The following MIA2 variants were observed in gnomAD, a reference collection of about 807,000 sequenced individuals.
MIA2 encodes melanoma inhibitory activity protein 2.
MIA2 carries 127 observed loss-of-function variants against 167.8 expected under a neutral mutation model. The observed-to-expected ratio is 0.76, with a 90% CI of 0.66 to 0.88. The LOEUF (loss-of-function observed/expected upper bound fraction) is 0.88. Among genes scored for constraint, MIA2 ranks in the 40% least tolerant of loss-of-function variants. The pLI is 0.00. For synonymous variants in MIA2, 552 were observed against 541.9 expected, an observed-to-expected ratio of 1.02 and a Z score of -0.26; for missense variants, 1,690 against 1,624.7, an observed-to-expected ratio of 1.04 and a Z score of -0.69.
chr14:39,284,085 T>C (rs2059306629), intron 9 of MIA2, among the ~76,000 whole-genome samples: 2 of 152,198 alleles, frequency 1.3e-5, no homozygotes, highest in South Asian at 4.1e-4. Context: ...CTTTTTGCTT[T>C]TGTAGCCTAA....
At chr14:39,257,421 C>G (rs1314125957) in intron 6 of MIA2, among the ~76,000 whole-genome samples, 1 of 150,528 alleles carries the variant, frequency 6.6e-6, no homozygotes, top group Non-Finnish European at 1.5e-5. Flanking sequence ...TTTTTTTTTG[C>G]TTTCCATTTG....
At chr14:39,273,923 G>C (rs2057545133) in intron 6 of MIA2, among the ~76,000 whole-genome samples, 1 of 152,170 alleles carries the variant, frequency 6.6e-6, no homozygotes. Context: ...TTTTATCTTG[G>C]AGAGGTGTAC....
At chr14:39,243,097 T>C (rs1352368159) in intron 3 of MIA2, among the ~76,000 whole-genome samples, 1 of 141,066 alleles carries the variant, frequency 7.1e-6, no homozygotes, top group African/African-American at 2.8e-5. Flanking sequence ...CACTCCAGCC[T>C]GGGTGACAGA....
intron 25 of MIA2, among the ~76,000 whole-genome samples, chr14:39,344,560 G>C (rs2072778374): frequency 6.6e-6 from 1 of 152,114 alleles, no homozygotes; most frequent in Non-Finnish European, 1.5e-5. Context: ...ATTGACTCTC[G>C]TTGATGCCAG....
At chr14:39,312,641 A>C (rs183938157) in intron 18 of MIA2, among the ~76,000 whole-genome samples, 48 of 152,324 alleles carry the variant, frequency 3.2e-4, no homozygotes, top group African/African-American at 1.1e-3. Context: ...GTCACTGCTT[A>C]TGAGCTCTAG....
At chr14:39,263,899 G>C (rs1403223623) in intron 6 of MIA2, among the ~76,000 whole-genome samples, 2 of 152,072 alleles carry the variant, frequency 1.3e-5, no homozygotes, top group Non-Finnish European at 2.9e-5. Context: ...CTCCCAAAGT[G>C]CTGGGATTAT....
chr14:39,296,481 T>C (rs1157548300), intron 13 of MIA2, among the ~76,000 whole-genome samples: 1 of 151,818 alleles, frequency 6.6e-6, no homozygotes, highest in Non-Finnish European at 1.5e-5. Context: ...TTTCCCCTTC[T>C]CTGAAATTAC....
chr14:39,365,206 C>T (rs1052326404), intron 23 of MIA2, among the ~76,000 whole-genome samples: 2 of 152,130 alleles, frequency 1.3e-5, no homozygotes, highest in African/African-American at 4.8e-5. Context: ...GCTGGGATTA[C>T]AGGCATGCGC....
chr14:39,305,152 T>C (rs577707021), intron 17 of MIA2, among the ~76,000 whole-genome samples: 31 of 152,348 alleles, frequency 2.0e-4, no homozygotes, highest in Admixed American at 1.6e-3. Context: ...TTTTAAAAGA[T>C]TGAACCACCA....
chr14:39,320,124 A>G (rs561326375), intron 23 of MIA2, among the ~76,000 whole-genome samples: 2 of 140,016 alleles, frequency 1.4e-5, no homozygotes, highest in Admixed American at 1.4e-4. Flanking sequence ...TCTGAATCCA[A>G]CACAAAATTT....
intron 25 of MIA2, among the ~76,000 whole-genome samples, chr14:39,333,110 G>T (rs1010660348): frequency 7.2e-5 from 11 of 151,778 alleles, no homozygotes; most frequent in African/African-American, 2.7e-4. Context: ...TATAATAACT[G>T]CTTTAAAGTC....
chr14:39,275,755 T>A (rs558223031), intron 6 of MIA2, among the ~76,000 whole-genome samples: 33 of 152,332 alleles, frequency 2.2e-4, no homozygotes, highest in Non-Finnish European at 4.1e-4. Flanking sequence ...AATTTTTTTT[T>A]ATCATTAATT....
At chr14:39,285,419 C>G (rs7141162) in intron 9 of MIA2, among the ~76,000 whole-genome samples, 101,017 of 114,698 alleles carry the variant, frequency 0.88, 45,050 homozygotes, top group East Asian at 0.95. Flanking sequence ...GCTGGCCGGG[C>G]GGGGGCTGAC....
chr14:39,266,096 T>C (rs1330247955), intron 6 of MIA2: 2 of 985,466 alleles, frequency 2.0e-6, no homozygotes, highest in African/African-American at 3.5e-5. Flanking sequence ...TACAAGAGGT[T>C]ACATCAGGAA....
chr14:39,372,302 T>TA (rs916531077), intron 23 of MIA2, among the ~76,000 whole-genome samples: 28 of 148,638 alleles, frequency 1.9e-4, no homozygotes, highest in African/African-American at 3.4e-4. Context: ...TGTGAAAACG[T>TA]AAAAAAAAAA....
chr14:39,265,163 A>G, intron 6 of MIA2: 1 of 323,568 alleles, frequency 3.1e-6, no homozygotes, highest in South Asian at 5.0e-5. Flanking sequence ...GTGTGAGTAT[A>G]TATATATATA....
At chr14:39,282,161 G>A (rs547319118) in intron 9 of MIA2, among the ~76,000 whole-genome samples, 77 of 152,244 alleles carry the variant, frequency 5.1e-4, no homozygotes, top group African/African-American at 1.8e-3. Context: ...GAAGCTGTGG[G>A]TGCTGTCGTC....
At chr14:39,338,168 A>T (rs753299961) in intron 25 of MIA2, among the ~76,000 whole-genome samples, 1 of 152,154 alleles carries the variant, frequency 6.6e-6, no homozygotes, top group Non-Finnish European at 1.5e-5. Context: ...ATAATTCTGT[A>T]TCTTGAGAGT....
At chr14:39,358,386 C>G (rs951146839) in intron 23 of MIA2, among the ~76,000 whole-genome samples, 15 of 152,178 alleles carry the variant, frequency 9.9e-5, no homozygotes, top group African/African-American at 3.4e-4. Flanking sequence ...GTTCTTGTGC[C>G]ATGGTGTTCA....
Sources: gnomAD v4.1 joint callset for allele counts (sites outside exome capture counted in the v4.1 genomes callset) on GRCh38, gnomAD v4.1.1 for gene constraint, MANE v1.5 for transcripts, NCBI Gene and HGNC (gene_info 2026-07-23, HGNC 2026-07-21) for gene names.